GGACT: variants seen among roughly 807,000 people sequenced by gnomAD.
The protein encoded by GGACT is gamma-glutamylamine cyclotransferase, also known as gamma-glutamylaminecyclotransferase.
For missense variants in GGACT, 241 were observed against 233.2 expected (o/e 1.03, Z -0.22); for synonymous variants, 118 against 115.3 (o/e 1.02, Z -0.15).
At chr13:100,561,721 C>A (rs2088761862) in intron 2 of GGACT, among the ~76,000 whole-genome samples, 1 of 152,234 alleles carries the variant, frequency 6.6e-6, no homozygotes, top group South Asian at 2.1e-4. Flanking sequence ...GCCCTTCACA[C>A]CTCCAACCCA....
chr13:100,542,509 C>A (rs914111071), intron 2 of GGACT, among the ~76,000 whole-genome samples: 2 of 152,180 alleles, frequency 1.3e-5, no homozygotes, highest in African/African-American at 4.8e-5. Flanking sequence ...TGCATGAGAC[C>A]TTAACATCAG....
chr13:100,581,944 T>C (rs1875432112), intron 2 of GGACT, among the ~76,000 whole-genome samples: 1 of 152,222 alleles, frequency 6.6e-6, no homozygotes, highest in South Asian at 2.1e-4. Context: ...AACTGAGATT[T>C]CTGGAGTGGA....
In GGACT at chr13:100,588,581, C is replaced by T. The variant is rs1326808143; in HGVS notation, c.-184+160G>A. On this transcript the variant is annotated intron_variant, in intron 1 of 2. Coordinates refer to ENST00000683975, the MANE Select transcript of GGACT (RefSeq NM_001195087.2). Reference sequence around the variant, plus strand: ...GGCTGGCCTCGCCGGCCGGCGGCGCCCCAGGCCTCCTCCCTCACCCGCGGG... The same window carrying T: ...GGCTGGCCTCGCCGGCCGGCGGCGCTCCAGGCCTCCTCCCTCACCCGCGGG... The T allele has an allele frequency of 2.0e-5, 3 of 152,146 alleles. No homozygotes were observed. The East Asian group carries it at 5.8e-4, about 30-fold the overall frequency. 9.4% of individuals were successfully genotyped at this position (152,146 alleles called of 1,614,324 possible).
intron 2 of GGACT, among the ~76,000 whole-genome samples, chr13:100,575,211 A>G (rs1875213508): frequency 6.6e-6 from 1 of 152,228 alleles, no homozygotes; most frequent in Non-Finnish European, 1.5e-5. Flanking sequence ...AGCCTATACC[A>G]TAGCAGTTAA....
chr13:100,577,505 T>G (rs1422941847), intron 2 of GGACT, among the ~76,000 whole-genome samples: 2 of 151,886 alleles, frequency 1.3e-5, no homozygotes, highest in African/African-American at 4.8e-5. Flanking sequence ...TAAGGAATAT[T>G]TTTTCATTGT....
chr13:100,530,293 C>G lies in GGACT; in HGVS notation c.*1837G>C. The G allele has an allele frequency of 1.3e-6, 1 of 797,616 alleles. No homozygotes were observed. Among genetic ancestry groups the G allele is most frequent in the Non-Finnish European group, 2.2e-6 (1 of 460,232 alleles). 49.4% of individuals were successfully genotyped at this position (797,616 alleles called of 1,614,324 possible). A position where few individuals can be genotyped will look rare whatever the true frequency, so the allele number is the denominator to read the frequency against. ...GCTACGTTTACGTCGTCATTTATTCCACAGAGTCAAGACCAATATTCTGCC... is the reference window on the plus strand; with the variant it reads ...GCTACGTTTACGTCGTCATTTATTCGACAGAGTCAAGACCAATATTCTGCC... On this transcript the variant is annotated 3_prime_UTR_variant, in exon 3 of 3. Transcript: ENST00000683975.
chr13:100,536,221 G>T (rs958044666), intron 2 of GGACT: 10 of 152,074 alleles, frequency 6.6e-5, no homozygotes, highest in African/African-American at 2.4e-4. Context: ...TCAGATTCTA[G>T]AATTTTCTGA....
chr13:100,581,139 G>T (rs920142168), intron 2 of GGACT, among the ~76,000 whole-genome samples: 1 of 152,202 alleles, frequency 6.6e-6, no homozygotes. Context: ...TATATACACA[G>T]GTCAGTACAC....
intron 2 of GGACT, among the ~76,000 whole-genome samples, chr13:100,570,893 C>T (rs1194153112): frequency 3.9e-5 from 6 of 152,058 alleles, no homozygotes; most frequent in South Asian, 2.1e-4. Flanking sequence ...GATGATGTAT[C>T]GCTACTTATT....
chr13:100,576,590 C>T (rs1007581050), intron 2 of GGACT, among the ~76,000 whole-genome samples: 5 of 152,202 alleles, frequency 3.3e-5, no homozygotes, highest in African/African-American at 4.8e-5. Context: ...TACATCCAGA[C>T]GATGGCGATA....
chr13:100,563,333 A>G (rs2088782313), intron 2 of GGACT, among the ~76,000 whole-genome samples: 1 of 152,086 alleles, frequency 6.6e-6, no homozygotes, highest in Non-Finnish European at 1.5e-5. Context: ...GAAGAATGGG[A>G]GGGATGCTTA....
intron 1 of GGACT, among the ~76,000 whole-genome samples, chr13:100,587,409 ATTAAT>A (rs1481822946): frequency 6.6e-6 from 1 of 152,204 alleles, no homozygotes; most frequent in African/African-American, 2.4e-5. Context: ...CCAATTAGAA[ATTAAT>A]TTAACTTTGC....
Position 100,532,235 on chromosome 13 carries a change from G to A in GGACT, c.357C>T (p.Tyr119=). ...ACTCCGGCGGGAAGGTGGCCCTGCT[G>A]TACACGAAGCACTGCACCGCGGTGG... ...PAPTAVQCFV[Y]SRATFPPEWA... is the part of the protein sequence containing the mutation. The change falls in exon 3 of 3, where the codon TAC becomes TAT. Residue 119 remains tyrosine (Y), a synonymous_variant. Coordinates refer to ENST00000683975, the MANE Select transcript of GGACT (RefSeq NM_001195087.2). 1.3e-6 allele frequency: 2 copies of A among 1,503,208 alleles called. No individual in the cohort carries two copies. The highest frequency in any genetic ancestry group is 1.3e-5 in the South Asian group (1 of 76,774). 93.1% of individuals were successfully genotyped at this position (1,503,208 alleles called of 1,614,324 possible).
intron 2 of GGACT, among the ~76,000 whole-genome samples, chr13:100,552,877 A>G (rs1032915331): frequency 6.6e-6 from 1 of 152,118 alleles, no homozygotes; most frequent in African/African-American, 2.4e-5. Context: ...AGTGGGGACA[A>G]TGAGTCCCGC....
At chr13:100,553,637 A>G (rs914684370) in intron 2 of GGACT, among the ~76,000 whole-genome samples, 15 of 152,248 alleles carry the variant, frequency 9.9e-5, no homozygotes, top group African/African-American at 3.6e-4. Context: ...TGAGGTCAGG[A>G]GTTCGGGACC....
intron 2 of GGACT, among the ~76,000 whole-genome samples, chr13:100,558,545 C>T (rs1472944808): frequency 6.6e-6 from 1 of 152,196 alleles, no homozygotes; most frequent in Non-Finnish European, 1.5e-5. Flanking sequence ...TACATTGCTT[C>T]TGGGAATTCA....
chr13:100,555,758 T>G (rs908003701), intron 2 of GGACT, among the ~76,000 whole-genome samples: 2 of 152,154 alleles, frequency 1.3e-5, no homozygotes, highest in Non-Finnish European at 2.9e-5. Context: ...ACTAACAAAA[T>G]TCAACAATAT....
intron 2 of GGACT, among the ~76,000 whole-genome samples, chr13:100,550,143 GT>G (rs2088644060): frequency 6.6e-6 from 1 of 152,172 alleles, no homozygotes; most frequent in Admixed American, 6.5e-5. Context: ...ATTCCTGTGA[GT>G]CCTGAACGTG....
chr13:100,543,380 G>A (rs2088573372), intron 2 of GGACT, among the ~76,000 whole-genome samples: 1 of 151,646 alleles, frequency 6.6e-6, no homozygotes, highest in South Asian at 2.1e-4. Flanking sequence ...GCTAATTTTT[G>A]TATTTTTAGT....
Sources: gnomAD v4.1 joint callset for allele counts (sites outside exome capture counted in the v4.1 genomes callset) on GRCh38, gnomAD v4.1.1 for gene constraint, MANE v1.5 for transcripts, NCBI Gene and HGNC (gene_info 2026-07-23, HGNC 2026-07-21) for gene names.